The following CALN1 variants were observed in gnomAD, a reference collection of about 807,000 sequenced individuals.
CALN1 encodes calneuron 1.
CALN1 carries 17 observed loss-of-function variants against 30.6 expected under a neutral mutation model. That is an observed-to-expected ratio of 0.56 (90% CI 0.38 to 0.83). The LOEUF (loss-of-function observed/expected upper bound fraction) is 0.83, where lower values mean the gene tolerates loss of function less well. Among genes scored for constraint, CALN1 ranks in the 40% least tolerant of loss-of-function variants. CALN1 has a pLI of 0.00. For synonymous variants in CALN1, 156 were observed against 131.4 expected (o/e 1.19, Z -1.28); for missense variants, 291 against 354.9 (o/e 0.82, Z 1.45).
intron 6 of CALN1, among the ~76,000 whole-genome samples, chr7:71,790,382 AAG>A (rs1793293465): frequency 1.0e-5 from 1 of 97,576 alleles, no homozygotes; most frequent in Non-Finnish European, 2.2e-5. Context: ...GAAAGAAAGA[AAG>A]AAAGAAAGAA....
At chr7:72,171,954 G>A (rs550309140) in intron 3 of CALN1, among the ~76,000 whole-genome samples, 1 of 152,294 alleles carries the variant, frequency 6.6e-6, no homozygotes, top group South Asian at 2.1e-4. Context: ...CACAGGTCAT[G>A]TAGCGATCAA....
At chr7:72,081,361 T>C (rs1485872360) in intron 4 of CALN1, among the ~76,000 whole-genome samples, 1 of 135,846 alleles carries the variant, frequency 7.4e-6, no homozygotes, top group Non-Finnish European at 1.6e-5. Context: ...CCTATCTCCC[T>C]CACCCCAACA....
chr7:72,445,057 AACACACACAC>A lies in CALN1; in HGVS notation c.-226+1975_-226+1984del, dbSNP rs4029789. Among the ~76,000 whole-genome samples, 1,053 of 138,920 alleles carry A rather than the reference AACACACACAC, an allele frequency of 7.6e-3. 9 individuals are homozygous for A. The highest frequency in any genetic ancestry group is 0.027 in the East Asian group (127 of 4,700). The allele number at this position is 138,920 out of a possible 152,430, so 91.1% of individuals were successfully genotyped here. A position where few individuals can be genotyped will look rare whatever the true frequency, so the allele number is the denominator to read the frequency against. On this transcript the variant is annotated intron_variant, in intron 1 of 6. Coordinates refer to the CALN1 transcript ENST00000395276. ...AAAGCCAGCAGCCATCAGTGAATTA[AACACACACAC>A]ACACACACACACACACACACACACA... is the stretch of plus-strand genomic sequence containing the variant.
chr7:72,076,489 T>C (rs1319340599), intron 4 of CALN1, among the ~76,000 whole-genome samples: 2 of 149,578 alleles, frequency 1.3e-5, no homozygotes, highest in East Asian at 3.9e-4. Flanking sequence ...TCCCAGCTAC[T>C]TGGGAGGCTG....
At position 71,857,762 on chromosome 7, in the gene CALN1, AG is replaced by A. The variant is rs750387462; in HGVS notation, c.502-47271del. ...TATTCCTTCCATGGGAGAGGGCCCA[AG>A]GACCAAGGTATCTTAAACCAAGATG... is the stretch of plus-strand genomic sequence containing the variant. On this transcript the variant is annotated intron_variant, in intron 5 of 6. Coordinates refer to ENST00000395275, the MANE Select transcript of CALN1 (RefSeq NM_031468.4). Among the ~76,000 whole-genome samples the A allele has an allele frequency of 3.9e-5, 6 of 152,324 alleles. No homozygotes were observed. The East Asian group carries it at 7.7e-4, about 20-fold the overall frequency.
At chr7:72,080,466 G>A (rs532941477) in intron 4 of CALN1, among the ~76,000 whole-genome samples, 1 of 152,318 alleles carries the variant, frequency 6.6e-6, no homozygotes, top group Admixed American at 6.5e-5. Flanking sequence ...TGTTTCATTT[G>A]TGGATCTATG....
At chr7:71,887,011 G>A (rs900634014) in intron 5 of CALN1, among the ~76,000 whole-genome samples, 4 of 152,104 alleles carry the variant, frequency 2.6e-5, no homozygotes, top group African/African-American at 7.2e-5. Context: ...GAGCTGCATC[G>A]TAGAGGGTGA....
intron 2 of CALN1, among the ~76,000 whole-genome samples, chr7:72,382,919 G>C (rs1204649224): frequency 6.6e-6 from 1 of 152,152 alleles, no homozygotes; most frequent in Non-Finnish European, 1.5e-5. Flanking sequence ...CTCCCAAGTA[G>C]CTGGGACTAC....
At chr7:72,084,516 G>A (rs1805357220) in intron 4 of CALN1, among the ~76,000 whole-genome samples, 1 of 150,994 alleles carries the variant, frequency 6.6e-6, no homozygotes, top group South Asian at 2.1e-4. Context: ...CCACCACCAT[G>A]CCCAGCTCAT....
At chr7:72,414,140 CA>C (rs1261838271), upstream of CALN1, among the ~76,000 whole-genome samples, 3 of 152,234 alleles carry the variant, frequency 2.0e-5, no homozygotes, top group Non-Finnish European at 4.4e-5. Context: ...TCATTGGAGG[CA>C]GACCGTGGGA....
intron 3 of CALN1, among the ~76,000 whole-genome samples, chr7:72,174,051 T>C (rs192041474): frequency 6.6e-6 from 1 of 152,014 alleles, no homozygotes; most frequent in Non-Finnish European, 1.5e-5. Context: ...AAAGAACTTA[T>C]ATCTAGTATA....
intron 5 of CALN1, among the ~76,000 whole-genome samples, chr7:71,865,966 C>T (rs191387297): frequency 1.7e-3 from 262 of 152,006 alleles, no homozygotes; most frequent in African/African-American, 6.1e-3. Flanking sequence ...CGAATAGCAG[C>T]TTTCTGAGAA....
intron 4 of CALN1, among the ~76,000 whole-genome samples, chr7:72,077,490 TCTCGAACTTCTGAC>T (rs965337259): frequency 6.6e-6 from 1 of 152,150 alleles, no homozygotes; most frequent in African/African-American, 2.4e-5. Context: ...GCCAGGCTGG[TCTCGAACTTCTGAC>T]CTCAAGTGAT....
chr7:72,335,413 C>T (rs1361362895), intron 2 of CALN1, among the ~76,000 whole-genome samples: 3 of 152,174 alleles, frequency 2.0e-5, no homozygotes, highest in Non-Finnish European at 4.4e-5. Context: ...TTGCGTGTGT[C>T]TCAACACACA....
intron 1 of CALN1, among the ~76,000 whole-genome samples, chr7:72,407,910 CG>C (rs1470226778): frequency 2.0e-5 from 3 of 152,034 alleles, no homozygotes; most frequent in African/African-American, 4.8e-5. Flanking sequence ...CACACGGAAC[CG>C]GGGAAGATTG....
chr7:71,995,353 A>G (rs761606640), intron 5 of CALN1, among the ~76,000 whole-genome samples: 3 of 152,234 alleles, frequency 2.0e-5, no homozygotes, highest in Non-Finnish European at 4.4e-5. Flanking sequence ...TTATGTTTGC[A>G]GCTGGAGTTT....
chr7:72,205,559 T>TAC (rs1791789986), intron 3 of CALN1, among the ~76,000 whole-genome samples: 3 of 77,560 alleles, frequency 3.9e-5, no homozygotes, highest in African/African-American at 1.9e-4. Context: ...AAAATATATA[T>TAC]ATATATATGT....
chr7:72,312,129 C>G (rs1184974937), intron 2 of CALN1, among the ~76,000 whole-genome samples: 1 of 152,050 alleles, frequency 6.6e-6, no homozygotes, highest in African/African-American at 2.4e-5. Flanking sequence ...CCAGGCTGGG[C>G]GCAGTGGCTC....
rs1400143644 is a variant in CALN1, at chr7:72,192,881, A to C, written c.244+85805T>G. On this transcript the variant is annotated intron_variant, in intron 3 of 6. Transcript: ENST00000395275. ...ATGTTAGGGAAATCCCATTTCTACC[A>C]AAAACTTTAAAAAAATTTTGCCAGG... 2.1e-5 allele frequency among the ~76,000 whole-genome samples: 3 copies of C among 140,084 alleles called. No individual in the cohort carries two copies. The East Asian group carries it at 6.4e-4, about 30-fold the overall frequency. 91.9% of individuals were successfully genotyped at this position (140,084 alleles called of 152,430 possible). A position where few individuals can be genotyped will look rare whatever the true frequency, so the allele number is the denominator to read the frequency against.
Sources: gnomAD v4.1 joint callset for allele counts (sites outside exome capture counted in the v4.1 genomes callset) on GRCh38, gnomAD v4.1.1 for gene constraint, MANE v1.5 for transcripts, NCBI Gene and HGNC (gene_info 2026-07-23, HGNC 2026-07-21) for gene names.